NYAP2: variants seen among roughly 807,000 people sequenced by gnomAD.
NYAP2 encodes the protein neuronal tyrosine-phosphorylated phosphoinositide-3-kinase adaptor 2.
A neutral mutation model predicts 50.4 loss-of-function variants in NYAP2; 23 were observed. The ratio of observed to expected loss-of-function variants is 0.46; its 90% CI spans 0.33 to 0.65. The LOEUF is 0.65. Ranked by LOEUF, NYAP2 falls within the 30% of genes least tolerant of loss-of-function variation. NYAP2 has a pLI of 0.02. For missense variants in NYAP2, 885 were observed against 861.0 expected (o/e 1.03, Z -0.35); for synonymous variants, 394 against 365.2 (o/e 1.08, Z -0.90).
At chr2:225,533,335 G>T (rs1448050043) in intron 4 of NYAP2, among the ~76,000 whole-genome samples, 1 of 152,074 alleles carries the variant, frequency 6.6e-6, no homozygotes, top group Admixed American at 6.5e-5. Flanking sequence ...GAGTCCTGTT[G>T]TTTATTTTAT....
chr2:225,614,512 A>G (rs1268310222), intron 5 of NYAP2, among the ~76,000 whole-genome samples: 1 of 152,216 alleles, frequency 6.6e-6, no homozygotes, highest in Admixed American at 6.5e-5. Context: ...TAAAATATCT[A>G]TTCAATACTC....
intron 4 of NYAP2, among the ~76,000 whole-genome samples, chr2:225,547,465 G>A (rs1691604809): frequency 6.6e-6 from 1 of 152,204 alleles, no homozygotes. Context: ...AGTCTGTAAT[G>A]GTGAGGCTTG....
intron 3 of NYAP2, among the ~76,000 whole-genome samples, chr2:225,476,710 A>G (rs1012870498): frequency 3.9e-5 from 6 of 152,208 alleles, no homozygotes; most frequent in African/African-American, 1.2e-4. Context: ...TTTCAAGCAC[A>G]CACCAGTGGT....
At chr2:225,464,468 C>T (rs1040249274) in intron 3 of NYAP2, among the ~76,000 whole-genome samples, 3 of 152,066 alleles carry the variant, frequency 2.0e-5, no homozygotes, top group South Asian at 2.1e-4. Flanking sequence ...AAATACTTTG[C>T]GGGCCAGGAA....
chr2:225,529,483 G>A lies in NYAP2; in HGVS notation c.523+15811G>A, dbSNP rs542136385. Among the ~76,000 whole-genome samples, 19 of 151,870 alleles carry A rather than the reference G, an allele frequency of 1.3e-4. 1 individual carries two copies. In the South Asian group the frequency reaches 1.9e-3, roughly 15 times the overall value. On this transcript the variant is annotated intron_variant, in intron 4 of 6. Transcript: ENST00000636099. The stretch of plus-strand genomic sequence containing the variant: ...TGGCATTACAGACATGAGCCACCAC[G>A]TCCAACTAATTTTTTATTTTTAGTA...
chr2:225,538,313 C>T (rs1691386887), intron 4 of NYAP2, among the ~76,000 whole-genome samples: 1 of 152,212 alleles, frequency 6.6e-6, no homozygotes. Context: ...CCATGAGGGC[C>T]CCACCCTGCT....
chr2:225,640,597 AT>A (rs563498276), intron 6 of NYAP2, among the ~76,000 whole-genome samples: 4 of 150,382 alleles, frequency 2.7e-5, no homozygotes, highest in East Asian at 2.0e-4. Flanking sequence ...TCTTATTCCC[AT>A]TTTTTTTTCT....
chr2:225,538,778 TTTTCTTTCTTTCTTTCTTTC>T (rs201335435), intron 4 of NYAP2, among the ~76,000 whole-genome samples: 4,354 of 75,286 alleles, frequency 0.058, 123 homozygotes, highest in Admixed American at 0.079. Flanking sequence ...TTTTCTTTTC[TTTTCTTTCTTTCTTTCTTTC>T]TTTCTTTCTT....
chr2:225,569,623 C>A (rs1692031205), intron 4 of NYAP2, among the ~76,000 whole-genome samples: 1 of 152,140 alleles, frequency 6.6e-6, no homozygotes. Context: ...TTCCAAGTGG[C>A]AGGAATTCTG....
intron 3 of NYAP2, among the ~76,000 whole-genome samples, chr2:225,420,582 G>C (rs928668143): frequency 1.3e-5 from 2 of 148,440 alleles, no homozygotes; most frequent in Non-Finnish European, 3.0e-5. Flanking sequence ...CAGGGAAAGA[G>C]GAGTTCTTTT....
intron 4 of NYAP2, among the ~76,000 whole-genome samples, chr2:225,532,112 A>T (rs535797893): frequency 2.8e-4 from 42 of 152,292 alleles, no homozygotes; most frequent in African/African-American, 9.1e-4. Flanking sequence ...AATCTTTCTT[A>T]TGCCTGTATA....
intron 3 of NYAP2, among the ~76,000 whole-genome samples, chr2:225,415,180 A>G (rs898880891): frequency 8.5e-5 from 13 of 152,148 alleles, no homozygotes; most frequent in Admixed American, 2.0e-4. Context: ...ATGGAATTAC[A>G]TTACTTACAG....
At chr2:225,592,626 G>C (rs571392107) in intron 5 of NYAP2, among the ~76,000 whole-genome samples, 75 of 152,208 alleles carry the variant, frequency 4.9e-4, no homozygotes, top group African/African-American at 1.8e-3. Flanking sequence ...TTGAAAATTC[G>C]TGTGACTCCT....
chr2:225,491,471 G>T (rs542799237), intron 3 of NYAP2, among the ~76,000 whole-genome samples: 6 of 152,090 alleles, frequency 3.9e-5, no homozygotes, highest in Admixed American at 1.3e-4. Context: ...CTAAATCAGA[G>T]AATTTAAGTG....
At chr2:225,513,407 T>C (rs765684608) in exon 4 of NYAP2, 2 of 1,613,998 alleles carry the variant, frequency 1.2e-6, no homozygotes, top group East Asian at 2.2e-5. Flanking sequence ...ACGAAGGAAG[T>C]TACGTGGGCA....
At chr2:225,565,596 A>G (rs371960866) in intron 4 of NYAP2, among the ~76,000 whole-genome samples, 1 of 152,112 alleles carries the variant, frequency 6.6e-6, no homozygotes, top group Non-Finnish European at 1.5e-5. Flanking sequence ...ATGCTCTCCT[A>G]TCTTCCAATG....
the NYAP2 span, among the ~76,000 whole-genome samples, chr2:225,670,639 A>C: frequency 6.6e-6 from 1 of 150,494 alleles, no homozygotes; most frequent in Non-Finnish European, 1.5e-5. Context: ...AAATTCCTAC[A>C]TAGGCTTTCA....
At chr2:225,470,469 A>G (rs1265342621) in intron 3 of NYAP2, among the ~76,000 whole-genome samples, 1 of 152,218 alleles carries the variant, frequency 6.6e-6, no homozygotes, top group Non-Finnish European at 1.5e-5. Flanking sequence ...TCTGGCATAT[A>G]TGGTACAAGC....
intron 3 of NYAP2, among the ~76,000 whole-genome samples, chr2:225,450,189 G>C (rs1689627969): frequency 6.6e-6 from 1 of 152,192 alleles, no homozygotes; most frequent in South Asian, 2.1e-4. Flanking sequence ...AGTAAGTATA[G>C]AGTAGGGAGC....
Sources: allele counts gnomAD v4.1 joint callset (sites outside exome capture counted in the v4.1 genomes callset), GRCh38; gene constraint gnomAD v4.1.1; transcripts MANE v1.5; gene names NCBI Gene and HGNC (gene_info 2026-07-23, HGNC 2026-07-21).